MEGF10: variants seen among roughly 807,000 people sequenced by gnomAD.
MEGF10 encodes the protein multiple epidermal growth factor-like domains protein 10.
Under a neutral mutation model 147.5 loss-of-function variants are expected in MEGF10, and 86 were observed. That is an observed-to-expected ratio of 0.58 (90% CI 0.49 to 0.70). MEGF10 has a LOEUF of 0.70. MEGF10 is among the 30% of genes least tolerant of loss of function. The pLI is 0.00. For missense variants in MEGF10, 1,329 were observed against 1,487.3 expected (o/e 0.89, Z 1.75); for synonymous variants, 478 against 525.5 (o/e 0.91, Z 1.24).
chr5:127,438,799 G>C (rs1765650242), intron 17 of MEGF10, among the ~76,000 whole-genome samples: 1 of 152,116 alleles, frequency 6.6e-6, no homozygotes, highest in Non-Finnish European at 1.5e-5. Context: ...GCTGTGTGAT[G>C]GTATGCAGTT....
At position 127,304,533 on chromosome 5, in the gene MEGF10, G is replaced by A. The variant is rs182436398; in HGVS notation, c.-19+13477G>A. The stretch of plus-strand genomic sequence containing the variant: ...TTTTGGGACAAAGTCTCCCTCTGTC[G>A]CTCAGGCTGGAGGGCAGTGGCATCG... On this transcript the variant is annotated intron_variant, in intron 1 of 24. Coordinates refer to ENST00000503335, the MANE Select transcript of MEGF10 (RefSeq NM_001256545.2). 1.0e-3 allele frequency among the ~76,000 whole-genome samples: 156 copies of A among 152,194 alleles called. 1 individual carries two copies. The highest frequency in any genetic ancestry group is 0.01 in the Middle Eastern group (3 of 294).
intron 1 of MEGF10, among the ~76,000 whole-genome samples, chr5:127,313,246 A>AT (rs1760377285): frequency 1.3e-5 from 2 of 152,182 alleles, no homozygotes; most frequent in Admixed American, 1.3e-4. Context: ...CCCAGAGATA[A>AT]TTTTTTTGTT....
intron 15 of MEGF10, among the ~76,000 whole-genome samples, 185 bp downstream of exon 15, chr5:127,435,006 C>T (rs1765507598): frequency 6.6e-6 from 1 of 152,230 alleles, no homozygotes; most frequent in Admixed American, 6.5e-5. Flanking sequence ...TGGCTTGCCA[C>T]TCCAGCAAAA....
intron 16 of MEGF10, among the ~76,000 whole-genome samples, chr5:127,438,052 C>T (rs1304124103): frequency 6.6e-6 from 1 of 152,138 alleles, no homozygotes; most frequent in Non-Finnish European, 1.5e-5. Context: ...GCCTGCCTCC[C>T]CTACCAAAAT....
Position 127,331,127 on chromosome 5 carries a change from C to G in MEGF10, c.-18-164C>G, listed in dbSNP as rs536615757. Reference sequence around the variant, plus strand: ...CTTGCACAACATAAGAAACACCCCTCTCTCCTGGACCATGGAATTTGGTGA... The same window carrying G: ...CTTGCACAACATAAGAAACACCCCTGTCTCCTGGACCATGGAATTTGGTGA... On this transcript the variant is annotated intron_variant, in intron 1 of 24. Coordinates refer to ENST00000503335, the MANE Select transcript of MEGF10 (RefSeq NM_001256545.2). Among the ~76,000 whole-genome samples, 64 of 152,312 alleles carry G rather than the reference C, an allele frequency of 4.2e-4. 1 individual carries two copies. Among genetic ancestry groups the G allele is most frequent in the Non-Finnish European group, 6.3e-4 (43 of 68,032 alleles).
In MEGF10 at chr5:127,433,392, G is replaced by A; in HGVS notation, c.1723G>A (p.Gly575Arg). The change falls in exon 14 of 25, where the codon GGA becomes AGA. Residue 575 changes from glycine to arginine, a missense_variant. Transcript: ENST00000503335. ...GVHCDSVCAE[G>R]RWGPNCSLPC... ...CCACTGTGACAGCGTGTGTGCTGAG[G>A]GACGCTGGGGCCCCAACTGCTCCCT... 3 of 1,614,158 alleles carry A rather than the reference G, an allele frequency of 1.9e-6. No homozygotes were observed. Among genetic ancestry groups the A allele is most frequent in the Non-Finnish European group, 8.5e-7 (1 of 1,180,030 alleles).
At chr5:127,342,537 T>TG (rs1020565662) in intron 4 of MEGF10, among the ~76,000 whole-genome samples, 4 of 152,168 alleles carry the variant, frequency 2.6e-5, no homozygotes, top group East Asian at 3.9e-4. Context: ...GGCAAGCTGG[T>TG]GGGGGGGTGT....
At chr5:127,437,648 G>A (rs1765605278) in intron 16 of MEGF10, among the ~76,000 whole-genome samples, 1 of 152,102 alleles carries the variant, frequency 6.6e-6, no homozygotes, top group South Asian at 2.1e-4. Flanking sequence ...TACTTTATCT[G>A]ACTTTCTGAT....
rs566968681 is a variant in MEGF10 at position 127,407,822 on chromosome 5, A to G, written c.918-2567A>G. 2.6e-5 allele frequency among the ~76,000 whole-genome samples: 4 copies of G among 152,254 alleles called. No homozygotes were observed. The East Asian group carries it at 5.8e-4, about 22-fold the overall frequency. ...TCAGACAGGCATCAGCTATTTCATG[A>G]TTATGTTTATTTTCAAGATGGAGAA... is the stretch of plus-strand genomic sequence containing the variant. On this transcript the variant is annotated intron_variant, in intron 8 of 24. Coordinates refer to ENST00000503335, the MANE Select transcript of MEGF10 (RefSeq NM_001256545.2).
At chr5:127,407,660 T>A (rs969585530) in intron 8 of MEGF10, among the ~76,000 whole-genome samples, 36 of 152,196 alleles carry the variant, frequency 2.4e-4, no homozygotes, top group African/African-American at 8.4e-4. Context: ...TTCACTGATT[T>A]TTGAGAGCTT....
intron 5 of MEGF10, among the ~76,000 whole-genome samples, chr5:127,387,874 C>T (rs145395823): frequency 2.6e-5 from 4 of 152,202 alleles, no homozygotes; most frequent in Non-Finnish European, 4.4e-5. Context: ...TGTTTCGTGT[C>T]GTTTGCATGG....
the MEGF10 span, among the ~76,000 whole-genome samples, chr5:127,238,964 G>C: frequency 6.6e-6 from 1 of 151,688 alleles, no homozygotes; most frequent in African/African-American, 2.4e-5. Context: ...CTGACATCAT[G>C]TGGCTCCTGA....
chr5:127,418,427 TTGA>T (rs1211805550), intron 10 of MEGF10, among the ~76,000 whole-genome samples: 1 of 152,230 alleles, frequency 6.6e-6, no homozygotes, highest in Non-Finnish European at 1.5e-5. Context: ...ATGAAGAATG[TTGA>T]TGATTATTCC....
intron 5 of MEGF10, among the ~76,000 whole-genome samples, chr5:127,379,064 C>CTTTTTT (rs35798578): frequency 4.1e-5 from 5 of 121,452 alleles, no homozygotes; most frequent in Non-Finnish European, 7.0e-5. Context: ...ATTGATTTTT[C>CTTTTTT]TTTTTTTTTT....
intron 9 of MEGF10, 33 bp from the exon 10 acceptor site, chr5:127,417,605 A>G (rs1580843956): frequency 1.2e-6 from 2 of 1,612,576 alleles, no homozygotes; most frequent in East Asian, 2.2e-5. Flanking sequence ...GTTTACCCCA[A>G]AGTGACTTAT....
chr5:127,433,353 A>G lies in MEGF10; in HGVS notation c.1694-10A>G, dbSNP rs762515984. ...TCTCACTCAGCCTTGCCCCATGTGC[A>G]TTATTTCAGGTGTCCACTGTGACAG... On this transcript the variant is annotated splice_polypyrimidine_tract_variant and intron_variant, in intron 13 of 24. Transcript: ENST00000503335. The G allele has an allele frequency of 2.5e-6, 4 of 1,614,164 alleles. No homozygotes were observed. The highest frequency in any genetic ancestry group is 1.1e-5 in the South Asian group (1 of 91,082).
the MEGF10 span, among the ~76,000 whole-genome samples, chr5:127,252,085 C>T: frequency 6.6e-6 from 1 of 151,812 alleles, no homozygotes; most frequent in African/African-American, 2.4e-5. Flanking sequence ...TTTCACTAAT[C>T]AGATTAACAA....
chr5:127,257,024 TCCCAAGAACAA>T, the MEGF10 span, among the ~76,000 whole-genome samples: 1 of 151,840 alleles, frequency 6.6e-6, no homozygotes, highest in Admixed American at 6.6e-5. Flanking sequence ...AATGAATGAG[TCCCAAGAACAA>T]TGGCCTTGGG....
At chr5:127,271,121 C>A in the MEGF10 span, among the ~76,000 whole-genome samples, 1 of 152,144 alleles carries the variant, frequency 6.6e-6, no homozygotes, top group Non-Finnish European at 1.5e-5. Flanking sequence ...GCCTGTAGGT[C>A]TTTGAGGAAT....
Sources: gnomAD v4.1 joint callset for allele counts (sites outside exome capture counted in the v4.1 genomes callset) on GRCh38, gnomAD v4.1.1 for gene constraint, MANE v1.5 for transcripts, NCBI Gene and HGNC (gene_info 2026-07-23, HGNC 2026-07-21) for gene names.